The following RIMBP2 variants were observed in gnomAD, a reference collection of about 807,000 sequenced individuals.
RIMBP2 encodes RIMS binding protein 2, also known as RIMS-binding protein 2.
Under a neutral mutation model 118.6 loss-of-function variants are expected in RIMBP2, and 48 were observed. The ratio of observed to expected loss-of-function variants is 0.40; its 90% CI spans 0.32 to 0.51. The LOEUF is 0.51. Among genes scored for constraint, RIMBP2 ranks in the 20% least tolerant of loss-of-function variants. The pLI is 0.41. For missense variants in RIMBP2, 1,551 were observed against 1,768.3 expected, an observed-to-expected ratio of 0.88 and a Z score of 2.20; for synonymous variants, 762 against 742.9, an observed-to-expected ratio of 1.03 and a Z score of -0.42.
intron 2 of RIMBP2, among the ~76,000 whole-genome samples, chr12:130,546,764 T>C (rs2055217616): frequency 6.6e-6 from 1 of 152,244 alleles, no homozygotes; most frequent in African/African-American, 2.4e-5. Context: ...GCAGTGATTT[T>C]CAAGAACTGA....
intron 2 of RIMBP2, among the ~76,000 whole-genome samples, chr12:130,615,187 CAAT>C (rs2060827113): frequency 7.0e-6 from 1 of 142,196 alleles, no homozygotes; most frequent in Non-Finnish European, 1.5e-5. Context: ...ATATATATTA[CAAT>C]ATTACAACAT....
At chr12:130,707,957 A>G (rs1054979476) in intron 1 of RIMBP2, among the ~76,000 whole-genome samples, 6 of 152,248 alleles carry the variant, frequency 3.9e-5, no homozygotes, top group Admixed American at 3.9e-4. Flanking sequence ...TACGCATTAC[A>G]CATGACTATA....
chr12:130,580,901 G>A (rs113517869), intron 2 of RIMBP2, among the ~76,000 whole-genome samples: 2,494 of 152,106 alleles, frequency 0.016, 66 homozygotes, highest in African/African-American at 0.057. Context: ...GAAACAGCCC[G>A]GGAGACAGAG....
chr12:130,414,167 A>G lies in RIMBP2; in HGVS notation c.3378T>C (p.Ala1126=), dbSNP rs1593215510. ...DPLTMSPNPD[A]AEEELPFKEG... ...CTTTAAAGGGAAGCTCCTCCTCTGC[A>G]GCATCTGGGTTTGGGGACATGGTGA... The change falls in exon 18 of 23, where the codon GCT becomes GCC. Residue 1126 remains alanine, a synonymous_variant. Transcript: ENST00000690449. The G allele has an allele frequency of 6.2e-7, 1 of 1,614,196 alleles. No homozygotes were observed. The highest frequency in any genetic ancestry group is 8.5e-7 in the Non-Finnish European group (1 of 1,180,042).
chr12:130,487,943 C>T (rs2082621482), intron 4 of RIMBP2, among the ~76,000 whole-genome samples: 1 of 152,168 alleles, frequency 6.6e-6, no homozygotes, highest in South Asian at 2.1e-4. Context: ...CTGTAACCTG[C>T]TTGGTACCGT....
chr12:130,561,152 G>A (rs1264920937), intron 2 of RIMBP2, among the ~76,000 whole-genome samples: 2 of 152,140 alleles, frequency 1.3e-5, no homozygotes, highest in Non-Finnish European at 2.9e-5. Context: ...CAGAACAGGG[G>A]CTCCCTCACA....
chr12:130,634,532 C>T (rs2062221744), intron 1 of RIMBP2, among the ~76,000 whole-genome samples: 1 of 152,112 alleles, frequency 6.6e-6, no homozygotes, highest in African/African-American at 2.4e-5. Context: ...AAGCCACATG[C>T]TGCCTTTGGT....
chr12:130,661,185 C>A (rs2063648131), intron 1 of RIMBP2, among the ~76,000 whole-genome samples: 1 of 152,236 alleles, frequency 6.6e-6, no homozygotes, highest in African/African-American at 2.4e-5. Flanking sequence ...GGACACCTAG[C>A]TTTCCTTGTG....
chr12:130,664,344 CA>C (rs1414874740), intron 1 of RIMBP2, among the ~76,000 whole-genome samples: 1 of 151,428 alleles, frequency 6.6e-6, no homozygotes, highest in Non-Finnish European at 1.5e-5. Flanking sequence ...CAGAAATACA[CA>C]CACACATGCA....
chr12:130,559,181 G>T (rs1484959387), intron 2 of RIMBP2, among the ~76,000 whole-genome samples: 1 of 151,922 alleles, frequency 6.6e-6, no homozygotes, highest in Non-Finnish European at 1.5e-5. Context: ...ATTTGAAATC[G>T]ACTCTCCTGG....
At chr12:130,481,768 C>T (rs2082029014) in intron 4 of RIMBP2, among the ~76,000 whole-genome samples, 1 of 152,248 alleles carries the variant, frequency 6.6e-6, no homozygotes, top group African/African-American at 2.4e-5. Context: ...CCTGGGCAGG[C>T]CTGGCCCTCC....
chr12:130,684,619 G>A (rs1256163704), intron 1 of RIMBP2, among the ~76,000 whole-genome samples: 1 of 152,200 alleles, frequency 6.6e-6, no homozygotes, highest in Non-Finnish European at 1.5e-5. Flanking sequence ...AAAAGACCCA[G>A]ACTTAGGAGT....
At chr12:130,635,549 A>C (rs1214035635) in intron 1 of RIMBP2, among the ~76,000 whole-genome samples, 2 of 152,120 alleles carry the variant, frequency 1.3e-5, no homozygotes, top group Non-Finnish European at 2.9e-5. Context: ...CCTGGGACCC[A>C]AGCTGACAGA....
Position 130,450,166 on chromosome 12 carries a change from AG to A in RIMBP2, c.581+33del, listed in dbSNP as rs1407649025. On this transcript the variant is annotated intron_variant, in intron 9 of 22. Coordinates refer to ENST00000690449, the MANE Select transcript of RIMBP2 (RefSeq NM_001393629.1). The surrounding 1 kb of genome is among the most constrained non-coding windows in gnomAD (Gnocchi z 4.8). ...CCAACATCTCATCTGCCCCACTCAC[AG>A]GGGCTCGGTGGACGCCGAGGGGCCG... 6 of 1,467,062 alleles carry A rather than the reference AG, an allele frequency of 4.1e-6. No homozygotes were observed. Among genetic ancestry groups the A allele is most frequent in the Non-Finnish European group, 5.7e-6 (6 of 1,060,490 alleles). The allele number at this position is 1,467,062 out of a possible 1,614,324, so 90.9% of individuals were successfully genotyped here.
intron 1 of RIMBP2, among the ~76,000 whole-genome samples, chr12:130,634,750 C>A (rs996775866): frequency 1.3e-5 from 2 of 152,070 alleles, no homozygotes; most frequent in Non-Finnish European, 2.9e-5. Context: ...TACCACCATG[C>A]CTGGCTAATG....
At chr12:130,543,303 C>T (rs1289870363) in intron 2 of RIMBP2, among the ~76,000 whole-genome samples, 1 of 152,164 alleles carries the variant, frequency 6.6e-6, no homozygotes, top group Non-Finnish European at 1.5e-5. Flanking sequence ...ATTTTTCATA[C>T]ACTGATTAGC....
chr12:130,551,754 C>T (rs1414891784), intron 2 of RIMBP2, among the ~76,000 whole-genome samples: 1 of 152,172 alleles, frequency 6.6e-6, no homozygotes, highest in Non-Finnish European at 1.5e-5. Context: ...TGCAGTGGGT[C>T]CCTCCAATGC....
intron 2 of RIMBP2, among the ~76,000 whole-genome samples, chr12:130,540,029 G>A (rs1450711491): frequency 3.7e-5 from 4 of 108,412 alleles, no homozygotes; most frequent in Admixed American, 9.1e-5. Flanking sequence ...AAATGCAGTA[G>A]ATGAGGTGGC....
intron 2 of RIMBP2, among the ~76,000 whole-genome samples, chr12:130,570,825 G>C (rs551974528): frequency 1.3e-5 from 2 of 152,184 alleles, no homozygotes; most frequent in Admixed American, 1.3e-4. Context: ...TAATCAACAA[G>C]GTCACAGAAT....
Sources: gnomAD v4.1 joint callset for allele counts (sites outside exome capture counted in the v4.1 genomes callset) on GRCh38, gnomAD v4.1.1 for gene constraint, Gnocchi (gnomAD v3.1) non-coding constraint, MANE v1.5 for transcripts, NCBI Gene and HGNC (gene_info 2026-07-23, HGNC 2026-07-21) for gene names.